Variants in TMEFF2 observed in about 807,000 individuals in gnomAD.
The protein encoded by TMEFF2 is tomoregulin-2.
A neutral mutation model predicts 53.8 loss-of-function variants in TMEFF2; 28 were observed. The ratio of observed to expected loss-of-function variants is 0.52; its 90% CI spans 0.39 to 0.71. The LOEUF is 0.71. Ranked by LOEUF, TMEFF2 falls within the 30% of genes least tolerant of loss-of-function variation. The probability of loss-of-function intolerance (pLI) is 0.00; values close to 1 mark genes in which losing one functional copy is unlikely to be tolerated. For synonymous variants in TMEFF2, 162 were observed against 166.3 expected (o/e 0.97, Z 0.20); for missense variants, 353 against 455.2 (o/e 0.78, Z 2.04).
intron 4 of TMEFF2, among the ~76,000 whole-genome samples, chr2:192,074,994 AAACTT>A (rs1688374771): frequency 1.3e-5 from 2 of 151,738 alleles, no homozygotes; most frequent in African/African-American, 4.8e-5. Context: ...ACACAACAGA[AAACTT>A]TAATTAATAA....
At chr2:192,079,621 T>G (rs7605844) in intron 4 of TMEFF2, among the ~76,000 whole-genome samples, 1 of 152,078 alleles carries the variant, frequency 6.6e-6, no homozygotes, top group Non-Finnish European at 1.5e-5. Flanking sequence ...TATTAGACTC[T>G]AATATATGTA....
At chr2:192,193,794 A>G (rs962175200) in intron 1 of TMEFF2, among the ~76,000 whole-genome samples, 8 of 129,762 alleles carry the variant, frequency 6.2e-5, no homozygotes, top group South Asian at 2.5e-4. Flanking sequence ...AGAGAGAGAG[A>G]GAGAGAGAGA....
intron 7 of TMEFF2, among the ~76,000 whole-genome samples, chr2:191,975,681 A>T (rs1354863920): frequency 1.3e-5 from 2 of 152,118 alleles, no homozygotes; most frequent in Non-Finnish European, 2.9e-5. Context: ...CAGTGACAAG[A>T]CTGTCTTTTG....
chr2:191,962,489 C>G (rs1036936971), intron 7 of TMEFF2, among the ~76,000 whole-genome samples: 3 of 152,108 alleles, frequency 2.0e-5, no homozygotes, highest in African/African-American at 7.2e-5. Context: ...GAAAAAGTAC[C>G]AGCATCTGAA....
At chr2:192,072,039 T>C (rs1451439304) in intron 4 of TMEFF2, among the ~76,000 whole-genome samples, 1 of 151,878 alleles carries the variant, frequency 6.6e-6, no homozygotes, top group Non-Finnish European at 1.5e-5. Context: ...CTGGATTGCA[T>C]TGAAAATGGT....
intron 5 of TMEFF2, chr2:192,030,724 C>G (rs1687111157): frequency 6.6e-6 from 1 of 152,030 alleles, no homozygotes; most frequent in Non-Finnish European, 1.5e-5. Context: ...TGGGTCTGAA[C>G]TACACTGGTG....
chr2:192,081,806 T>A (rs1688560481), intron 4 of TMEFF2, among the ~76,000 whole-genome samples: 1 of 149,536 alleles, frequency 6.7e-6, no homozygotes, highest in Admixed American at 6.6e-5. Context: ...TTCCCTTTTT[T>A]TTTTTTTTTT....
intron 5 of TMEFF2, among the ~76,000 whole-genome samples, chr2:192,000,712 C>T (rs1034109455): frequency 5.3e-5 from 8 of 152,152 alleles, no homozygotes; most frequent in African/African-American, 1.9e-4. Context: ...GTCAGAATTA[C>T]CTAGATTGCT....
At chr2:192,135,105 A>G (rs1015112920) in intron 4 of TMEFF2, among the ~76,000 whole-genome samples, 3 of 152,110 alleles carry the variant, frequency 2.0e-5, no homozygotes, top group African/African-American at 7.2e-5. Flanking sequence ...TGTGCCCCCA[A>G]AAAAACTTGT....
Position 191,955,549 on chromosome 2 carries a change from A to T in TMEFF2, c.869+706T>A, listed in dbSNP as rs928755621. On this transcript the variant is annotated intron_variant, in intron 8 of 9. Coordinates refer to ENST00000272771, the MANE Select transcript of TMEFF2 (RefSeq NM_016192.4). ...ATTTTTTTTTTTTTTTTTTTTTTTT[A>T]GAGATAGGATCTCCCTTTGTTGCCC... Among the ~76,000 whole-genome samples the T allele has an allele frequency of 3.6e-3, 34 of 9,560 alleles. 1 individual carries two copies. Among genetic ancestry groups the T allele is most frequent in the South Asian group, 9.6e-3 (2 of 208 alleles). The allele number at this position is 9,560 out of a possible 152,430, so 6.3% of individuals were successfully genotyped here. A position where few individuals can be genotyped will look rare whatever the true frequency, so the allele number is the denominator to read the frequency against.
intron 7 of TMEFF2, among the ~76,000 whole-genome samples, chr2:191,963,505 A>C (rs13416520): frequency 0.019 from 2,886 of 152,280 alleles, 88 homozygotes; most frequent in African/African-American, 0.066. Flanking sequence ...ATGGATAGTC[A>C]AGACAAACCT....
chr2:192,137,426 G>C (rs143704257), intron 4 of TMEFF2, among the ~76,000 whole-genome samples: 1,701 of 152,288 alleles, frequency 0.011, 11 homozygotes, highest in Admixed American at 0.018. Flanking sequence ...ATGAAAGTGC[G>C]GAGAGGATGG....
chr2:192,083,246 C>T (rs1688594159), intron 4 of TMEFF2, among the ~76,000 whole-genome samples: 1 of 151,952 alleles, frequency 6.6e-6, no homozygotes, highest in Admixed American at 6.6e-5. Context: ...TCTTTTGTAC[C>T]CAGTTGTTAA....
At position 191,950,214 on chromosome 2, in the gene TMEFF2, C is replaced by CAACATGTG; in HGVS notation, c.*89_*96dup. The CAACATGTG allele has an allele frequency of 1.9e-5, 29 of 1,558,926 alleles. No homozygotes were observed. In the South Asian group the frequency reaches 3.5e-4, roughly 19 times the overall value. On this transcript the variant is annotated 3_prime_UTR_variant, in exon 10 of 10. Transcript: ENST00000272771. The stretch of plus-strand genomic sequence containing the variant: ...GGTGTAGATTACCACAAATGCAAGG[C>CAACATGTG]AACATGTGTAGATCTCTTGTCTTAT...
intron 7 of TMEFF2, among the ~76,000 whole-genome samples, chr2:191,963,408 G>A (rs1178135824): frequency 6.6e-6 from 1 of 152,160 alleles, no homozygotes; most frequent in East Asian, 1.9e-4. Context: ...ACAGAAGAAA[G>A]AAGCAACGGG....
Position 191,999,110 on chromosome 2 carries a change from G to A in TMEFF2, c.635C>T (p.Ser212Leu), listed in dbSNP as rs766458630. The A allele has an allele frequency of 2.5e-6, 4 of 1,611,932 alleles. No individual in the cohort carries two copies. The highest frequency in any genetic ancestry group is 3.4e-6 in the Non-Finnish European group (4 of 1,178,510). The change falls in exon 6 of 10, where the codon TCG becomes TTG. Residue 212 changes from serine (S) to leucine (L), a missense_variant. This residue lies in a region of TMEFF2 where 294 missense variants were observed against 397.3 expected (regional missense o/e 0.74). Coordinates refer to ENST00000272771, the MANE Select transcript of TMEFF2 (RefSeq NM_016192.4). The part of the protein sequence containing the change: ...YDNACQIKEA[S>L]CQKQEKIEVM... The stretch of plus-strand genomic sequence containing the variant: ...TTCAATTTTCTCCTGTTTCTGACAC[G>A]ATGCTTCTTTGATTTGGCATGCATT...
chr2:191,970,490 T>C (rs532949615), intron 7 of TMEFF2, among the ~76,000 whole-genome samples: 5 of 151,864 alleles, frequency 3.3e-5, no homozygotes, highest in African/African-American at 9.7e-5. Context: ...GCAGCAGACA[T>C]TGGAGATGTG....
chr2:192,096,671 T>TTTC (rs1688915873), intron 4 of TMEFF2, among the ~76,000 whole-genome samples: 32 of 30,242 alleles, frequency 1.1e-3, no homozygotes, highest in Middle Eastern at 0.028. Flanking sequence ...TCTCTCTCTC[T>TTTC]TTTTTTTTTT....
chr2:192,053,711 C>T (rs144376829), intron 5 of TMEFF2, among the ~76,000 whole-genome samples: 50 of 152,270 alleles, frequency 3.3e-4, no homozygotes, highest in African/African-American at 1.2e-3. Context: ...AAATCAATAG[C>T]GTATCAACGC....
Sources: gnomAD v4.1 joint callset for allele counts (sites outside exome capture counted in the v4.1 genomes callset) on GRCh38, gnomAD v4.1.1 for gene constraint, gnomAD v4.1.1 regional missense constraint, MANE v1.5 for transcripts, NCBI Gene and HGNC (gene_info 2026-07-23, HGNC 2026-07-21) for gene names.